GSTO1: variants seen among roughly 807,000 people sequenced by gnomAD.
The protein encoded by GSTO1 is glutathione S-transferase omega-1.
GSTO1 carries 27 observed loss-of-function variants against 23.8 expected under a neutral mutation model. The observed-to-expected ratio is 1.13, with a 90% CI of 0.83 to 1.56. The LOEUF (loss-of-function observed/expected upper bound fraction) is 1.56. GSTO1 is among the 40% of genes most tolerant of loss of function. The pLI is 0.00. For synonymous variants in GSTO1, 105 were observed against 109.3 expected, an observed-to-expected ratio of 0.96 and a Z score of 0.25; for missense variants, 255 against 285.8, an observed-to-expected ratio of 0.89 and a Z score of 0.78.
At chr10:104,254,516 G>A (rs1412866586), upstream of GSTO1, 3 of 285,090 alleles carry the variant, frequency 1.1e-5, no homozygotes, top group Non-Finnish European at 1.4e-5. Flanking sequence ...GAGCCATGAG[G>A]TCGGGCCACA....
intron 3 of GSTO1, among the ~76,000 whole-genome samples, chr10:104,262,150 C>G (rs2011143711): frequency 6.6e-6 from 1 of 152,178 alleles, no homozygotes; most frequent in African/African-American, 2.4e-5. Flanking sequence ...AGAGCAGCGG[C>G]AGAGCTTCTG....
At chr10:104,259,234 G>A (rs2011116185) in intron 2 of GSTO1, among the ~76,000 whole-genome samples, 1 of 152,178 alleles carries the variant, frequency 6.6e-6, no homozygotes, top group Non-Finnish European at 1.5e-5. Flanking sequence ...ACAGCATAAT[G>A]TCAATGTCCA....
chr10:104,254,915 T>C lies in GSTO1; in HGVS notation c.-14T>C. The stretch of plus-strand genomic sequence containing the variant: ...CTGCAAACCCCAGAGGAGCTCGGCC[T>C]GCGCTGCGCCACGATGTCCGGGGAG... On this transcript the variant is annotated 5_prime_UTR_variant, in exon 1 of 6. Coordinates refer to ENST00000369713, the MANE Select transcript of GSTO1 (RefSeq NM_004832.3). 2 of 1,611,318 alleles carry C rather than the reference T, an allele frequency of 1.2e-6. No homozygotes were observed. The highest frequency in any genetic ancestry group is 2.2e-5 in the South Asian group (2 of 90,444).
Position 104,259,693 on chromosome 10 carries a change from C to T in GSTO1, c.261C>T (p.Ala87=). Reference sequence around the variant, plus strand: ...AGGGTCAGCTGATCTACGAGTCTGCCATCACCTGTGAGTACCTGGATGAAG... The same window carrying T: ...AGGGTCAGCTGATCTACGAGTCTGCTATCACCTGTGAGTACCTGGATGAAG... ...NSQGQLIYES[A]ITCEYLDEAY... is the part of the protein sequence containing the mutation. The change falls in exon 3 of 6, where the codon GCC becomes GCT. Residue 87 remains alanine, a synonymous_variant. Coordinates refer to ENST00000369713, the MANE Select transcript of GSTO1 (RefSeq NM_004832.3). The T allele has an allele frequency of 6.2e-7, 1 of 1,612,932 alleles. No homozygotes were observed. The highest frequency in any genetic ancestry group is 1.3e-5 in the African/African-American group (1 of 75,006).
At chr10:104,258,714 TGTGATGGTGCACGCC>T (rs2011112981) in intron 2 of GSTO1, among the ~76,000 whole-genome samples, 1 of 152,036 alleles carries the variant, frequency 6.6e-6, no homozygotes, top group African/African-American at 2.4e-5. Flanking sequence ...ATTAGCTGGG[TGTGATGGTGCACGCC>T]TGTGGTCCCA....
At chr10:104,259,909 A>G (rs748654813) in intron 3 of GSTO1, 111 bp downstream of exon 3, 4 of 701,248 alleles carry the variant, frequency 5.7e-6, no homozygotes, top group Non-Finnish European at 1.0e-5. Flanking sequence ...AAACAGGAAT[A>G]TGCTTGTCAG....
chr10:104,261,913 T>A (rs1344908720), intron 3 of GSTO1, among the ~76,000 whole-genome samples: 1 of 152,112 alleles, frequency 6.6e-6, no homozygotes, highest in Non-Finnish European at 1.5e-5. Flanking sequence ...ACCCATCAAG[T>A]CTTTAGGTAG....
intron 5 of GSTO1, among the ~76,000 whole-genome samples, 199 bp downstream of exon 5, chr10:104,266,389 T>G (rs1020668133): frequency 2.9e-4 from 44 of 152,198 alleles, no homozygotes; most frequent in Non-Finnish European, 1.5e-4. Context: ...GGGCAGGGGA[T>G]TTCTGAGACA....
rs763287842 is a variant in GSTO1, at chr10:104,267,323, T to C, written c.644T>C (p.Leu215Pro). 1.9e-6 allele frequency: 3 copies of C among 1,613,554 alleles called. No homozygotes were observed. In the South Asian group the frequency reaches 3.3e-5, roughly 18 times the overall value. ...AAGGAAGATCCCACAGTCTCAGCCC[T>C]GCTTACTAGTGAGAAAGACTGGCAA... Reference protein sequence around the residue: ...AMKEDPTVSALLTSEKDWQGF... With the variant: ...AMKEDPTVSAPLTSEKDWQGF... The change falls in exon 6 of 6, where the codon CTG becomes CCG. Residue 215 changes from leucine to proline, a missense_variant. Physicochemically the swap from Leu to Pro is moderately conservative, Grantham distance 98. Coordinates refer to ENST00000369713, the MANE Select transcript of GSTO1 (RefSeq NM_004832.3).
At chr10:104,263,376 A>G (rs935808103) in intron 4 of GSTO1, among the ~76,000 whole-genome samples, 8 of 152,248 alleles carry the variant, frequency 5.3e-5, no homozygotes, top group African/African-American at 1.9e-4. Flanking sequence ...GTTTTTATGT[A>G]TCCAGTTTTC....
At chr10:104,255,831 T>C (rs1473583292) in intron 2 of GSTO1, among the ~76,000 whole-genome samples, 2 of 152,230 alleles carry the variant, frequency 1.3e-5, no homozygotes, top group Non-Finnish European at 1.5e-5. Context: ...CTCATCCTTC[T>C]GCAGAGCCTG....
intron 2 of GSTO1, 28 bp downstream of exon 2, chr10:104,255,299 C>G (rs759127874): frequency 4.0e-6 from 6 of 1,481,768 alleles, no homozygotes; most frequent in East Asian, 4.5e-5. Context: ...GGACGCTCCC[C>G]GAGCCGTCCG....
In GSTO1 at chr10:104,267,330, T is replaced by C. The variant is rs2011205653; in HGVS notation, c.651T>C (p.Thr217=). The C allele has an allele frequency of 1.2e-6, 2 of 1,613,446 alleles. No individual in the cohort carries two copies. Among genetic ancestry groups the C allele is most frequent in the Admixed American group, 3.3e-5 (2 of 60,020 alleles). ...ATCCCACAGTCTCAGCCCTGCTTAC[T>C]AGTGAGAAAGACTGGCAAGGTTTCC... The part of the protein sequence containing the change: ...KEDPTVSALL[T]SEKDWQGFLE... The change falls in exon 6 of 6, where the codon ACT becomes ACC. Residue 217 remains threonine, a synonymous_variant. Transcript: ENST00000369713.
At chr10:104,261,625 C>T (rs879604462) in intron 3 of GSTO1, among the ~76,000 whole-genome samples, 4 of 152,234 alleles carry the variant, frequency 2.6e-5, no homozygotes, top group Admixed American at 2.6e-4. Context: ...CTGAAGTATG[C>T]AAAGTAATAT....
intron 4 of GSTO1, 123 bp downstream of exon 4, chr10:104,263,200 C>G: frequency 1.9e-6 from 1 of 529,600 alleles, no homozygotes; most frequent in Non-Finnish European, 3.4e-6. Context: ...GAAAATTCCC[C>G]TAAACATTTT....
At chr10:104,266,533 T>TA (rs2011187429) in intron 5 of GSTO1, among the ~76,000 whole-genome samples, 3 of 152,172 alleles carry the variant, frequency 2.0e-5, no homozygotes, top group Admixed American at 2.0e-4. Flanking sequence ...GGTCAGGAGT[T>TA]AGAGACCAGC....
chr10:104,258,105 A>T (rs2011109791), intron 2 of GSTO1, among the ~76,000 whole-genome samples: 1 of 152,210 alleles, frequency 6.6e-6, no homozygotes, highest in South Asian at 2.1e-4. Context: ...AAAGTAAAAC[A>T]TGATAATCAT....
intron 2 of GSTO1, among the ~76,000 whole-genome samples, chr10:104,255,815 G>T (rs2091600462): frequency 6.6e-6 from 1 of 152,212 alleles, no homozygotes; most frequent in South Asian, 2.1e-4. Context: ...GGAAGTGTCT[G>T]TCTAGCTCAT....
In GSTO1 at chr10:104,255,241, C is replaced by T. The variant is rs764125468; in HGVS notation, c.113C>T (p.Thr38Met). The change falls in exon 2 of 6, where the codon ACG becomes ATG. Residue 38 changes from threonine (T) to methionine (M), a missense_variant. Physicochemically the swap from Thr to Met is moderately conservative, Grantham distance 81. Transcript: ENST00000369713. ...AGGTTCTGCCCGTTTGCTGAGAGGA[C>T]GCGTCTAGTCCTGAAGGCCAAGGGA... ...SMRFCPFAERTRLVLKAKGIR... is the reference protein window; with the variant it reads ...SMRFCPFAERMRLVLKAKGIR... 3 of 1,612,976 alleles carry T rather than the reference C, an allele frequency of 1.9e-6. No homozygotes were observed. In the South Asian group the frequency reaches 3.3e-5, roughly 18 times the overall value.
Sources: gnomAD v4.1 joint callset for allele counts (sites outside exome capture counted in the v4.1 genomes callset) on GRCh38, gnomAD v4.1.1 for gene constraint, MANE v1.5 for transcripts, NCBI Gene and HGNC (gene_info 2026-07-23, HGNC 2026-07-21) for gene names.